LIMCH1: variants seen among roughly 807,000 people sequenced by gnomAD.
LIMCH1 encodes the protein LIM and calponin homology domains 1.
LIMCH1 carries 113 observed loss-of-function variants against 176.5 expected under a neutral mutation model. The observed-to-expected ratio is 0.64, with a 90% confidence interval of 0.55 to 0.75. The LOEUF (loss-of-function observed/expected upper bound fraction) is 0.75, where lower values mean the gene tolerates loss of function less well. Among genes scored for constraint, LIMCH1 ranks in the 30% least tolerant of loss-of-function variants. The pLI, the probability that LIMCH1 is intolerant of heterozygous loss-of-function variation, is 0.00. For synonymous variants in LIMCH1, 619 were observed against 645.9 expected, an observed-to-expected ratio of 0.96 and a Z score of 0.63; for missense variants, 1,674 against 1,814.9, an observed-to-expected ratio of 0.92 and a Z score of 1.41.
intron 1 of LIMCH1, among the ~76,000 whole-genome samples, chr4:41,390,239 G>GGAGAGA (rs34011822): frequency 0.02 from 2,720 of 138,340 alleles, 47 homozygotes; most frequent in African/African-American, 0.039. Flanking sequence ...TCTCTCTCAG[G>GGAGAGA]GAGAGAGAGA....
chr4:41,454,818 C>T (rs1179025716), intron 1 of LIMCH1, among the ~76,000 whole-genome samples: 1 of 152,086 alleles, frequency 6.6e-6, no homozygotes, highest in Non-Finnish European at 1.5e-5. Flanking sequence ...AAGGGCAATC[C>T]AATGCTCAGT....
intron 1 of LIMCH1, among the ~76,000 whole-genome samples, chr4:41,540,190 A>G (rs1025247709): frequency 6.6e-6 from 1 of 152,204 alleles, no homozygotes; most frequent in Non-Finnish European, 1.5e-5. Context: ...GGTTTTCATG[A>G]AGAGTAAATT....
chr4:41,623,198 T>C (rs986661806), intron 7 of LIMCH1, among the ~76,000 whole-genome samples: 1 of 152,146 alleles, frequency 6.6e-6, no homozygotes, highest in African/African-American at 2.4e-5. Context: ...GTCTGGAAAA[T>C]AGGAATTTAA....
At chr4:41,418,549 G>GCTGCCGCTCCTGCAGT (rs60152006) in intron 1 of LIMCH1, among the ~76,000 whole-genome samples, 10,960 of 152,182 alleles carry the variant, frequency 0.072, 824 homozygotes, top group South Asian at 0.18. Context: ...AGAGAAGCAG[G>GCTGCCGCTCCTGCAGT]CTGCCGCTCC....
intron 1 of LIMCH1, among the ~76,000 whole-genome samples, chr4:41,384,755 T>C (rs770127629): frequency 6.6e-6 from 1 of 152,200 alleles, no homozygotes; most frequent in Non-Finnish European, 1.5e-5. Context: ...TTAAGTTTGA[T>C]GCTCTTTTTC....
chr4:41,684,652 T>C lies in LIMCH1; in HGVS notation c.3967+134T>C, dbSNP rs559705799. The C allele has an allele frequency of 1.2e-5, 11 of 905,220 alleles. No homozygotes were observed. The African/African-American group carries it at 1.7e-4, about 14-fold the overall frequency. The allele number at this position is 905,220 out of a possible 1,614,324, so 56.1% of individuals were successfully genotyped here. A position where few individuals can be genotyped will look rare whatever the true frequency, so the allele number is the denominator to read the frequency against. On this transcript the variant is annotated intron_variant, in intron 27 of 31. Coordinates refer to ENST00000503057, the MANE Select transcript of LIMCH1 (RefSeq NM_001330672.2). ...CTGGACTTCTAGCTTATGCCCAATA[T>C]ATAGTGAATAAACTTCTACCATCGT...
At chr4:41,363,574 C>G (rs1209045307) in intron 1 of LIMCH1, among the ~76,000 whole-genome samples, 1 of 152,112 alleles carries the variant, frequency 6.6e-6, no homozygotes, top group Non-Finnish European at 1.5e-5. Context: ...AACATTCATT[C>G]TTAATAAAGG....
intron 1 of LIMCH1, among the ~76,000 whole-genome samples, chr4:41,445,913 A>G (rs2063230423): frequency 6.6e-6 from 1 of 152,212 alleles, no homozygotes; most frequent in South Asian, 2.1e-4. Context: ...AGATAAATAT[A>G]TATCAACTTA....
chr4:41,650,278 T>C lies in LIMCH1; in HGVS notation c.2821-115T>C, dbSNP rs189452415. 8.7e-5 allele frequency: 64 copies of C among 736,114 alleles called. 1 individual carries two copies. Among genetic ancestry groups the C allele is most frequent in the South Asian group, 1.1e-4 (6 of 55,274 alleles). 45.6% of individuals were successfully genotyped at this position (736,114 alleles called of 1,614,324 possible). On this transcript the variant is annotated intron_variant, in intron 17 of 31. Coordinates refer to ENST00000503057, the MANE Select transcript of LIMCH1 (RefSeq NM_001330672.2). ...AACATTTAAGAGACCTCTTCCTTCA[T>C]TGGACTCTGGTTATTAAATGATGAT...
At chr4:41,570,400 T>C (rs1370358720) in intron 1 of LIMCH1, among the ~76,000 whole-genome samples, 1 of 152,226 alleles carries the variant, frequency 6.6e-6, no homozygotes, top group African/African-American at 2.4e-5. Context: ...ACAGGAGCCT[T>C]TGAATCTGAA....
chr4:41,653,268 T>C (rs2094361651), intron 18 of LIMCH1, among the ~76,000 whole-genome samples: 1 of 151,950 alleles, frequency 6.6e-6, no homozygotes, highest in Non-Finnish European at 1.5e-5. Flanking sequence ...CTACTCCCCA[T>C]TTTACTTCTT....
chr4:41,589,686 A>G (rs972827243), intron 1 of LIMCH1, among the ~76,000 whole-genome samples: 2 of 152,034 alleles, frequency 1.3e-5, no homozygotes, highest in Non-Finnish European at 2.9e-5. Context: ...TGTCCTTTAC[A>G]TGTGGATGAT....
At chr4:41,578,915 C>A (rs987042141) in intron 1 of LIMCH1, among the ~76,000 whole-genome samples, 10 of 152,082 alleles carry the variant, frequency 6.6e-5, no homozygotes, top group Non-Finnish European at 1.3e-4. Context: ...GTTTTCCAGG[C>A]TGGTCTCAAA....
At chr4:41,371,390 A>G (rs528268674) in intron 1 of LIMCH1, among the ~76,000 whole-genome samples, 15 of 152,300 alleles carry the variant, frequency 9.8e-5, no homozygotes, top group East Asian at 1.9e-4. Flanking sequence ...CAGGAGCCCA[A>G]TGAACCATCA....
Position 41,420,072 on chromosome 4 carries a change from T to C in LIMCH1, c.96+59136T>C, listed in dbSNP as rs990523001. 4.6e-5 allele frequency among the ~76,000 whole-genome samples: 7 copies of C among 152,090 alleles called. No individual in the cohort carries two copies. In the East Asian group the frequency reaches 7.7e-4, roughly 17 times the overall value. ...GATGAGGGGGGCCTTCTACTCTTAA[T>C]TGGGTGCTCTAGGCAAGCTTCTCTG... On this transcript the variant is annotated intron_variant, in intron 1 of 26. Coordinates refer to the LIMCH1 transcript ENST00000313860.
intron 12 of LIMCH1, 107 bp from the exon 13 acceptor site, chr4:41,633,441 A>G (rs143914262): frequency 1.5e-6 from 2 of 1,356,486 alleles, no homozygotes; most frequent in East Asian, 2.5e-5. Context: ...CGCTGCCTCC[A>G]GGGATGCTGG....
intron 7 of LIMCH1, among the ~76,000 whole-genome samples, chr4:41,623,755 G>A (rs1290556580): frequency 2.0e-5 from 3 of 152,058 alleles, no homozygotes; most frequent in Admixed American, 6.6e-5. Flanking sequence ...AGCGAGACTC[G>A]CATTATCTTT....
chr4:41,503,752 C>G (rs914021442), intron 2 of LIMCH1, among the ~76,000 whole-genome samples: 10 of 152,136 alleles, frequency 6.6e-5, no homozygotes, highest in Admixed American at 6.5e-4. Flanking sequence ...GGGAGTGTTG[C>G]CGGAGAAAAG....
At chr4:41,375,704 T>A (rs2054654168) in intron 1 of LIMCH1, among the ~76,000 whole-genome samples, 1 of 152,168 alleles carries the variant, frequency 6.6e-6, no homozygotes, top group Non-Finnish European at 1.5e-5. Context: ...ATGTGGGGCT[T>A]TTCTAAAAGT....
Sources: allele counts gnomAD v4.1 joint callset (sites outside exome capture counted in the v4.1 genomes callset), GRCh38; gene constraint gnomAD v4.1.1; transcripts MANE v1.5; gene names NCBI Gene and HGNC (gene_info 2026-07-23, HGNC 2026-07-21).